KIAA1217: variants seen among roughly 807,000 people sequenced by gnomAD.
The protein encoded by KIAA1217 is KIAA1217.
In KIAA1217, 88 loss-of-function variants were observed where a neutral mutation model predicts 163.9. The ratio of observed to expected loss-of-function variants is 0.54; its 90% CI spans 0.45 to 0.64. The LOEUF (loss-of-function observed/expected upper bound fraction) is 0.64, where lower values mean the gene tolerates loss of function less well. Among genes scored for constraint, KIAA1217 ranks in the 30% least tolerant of loss-of-function variants. The pLI is 0.00. For synonymous variants in KIAA1217, 903 were observed against 923.1 expected, an observed-to-expected ratio of 0.98 and a Z score of 0.39; for missense variants, 2,372 against 2,475.0, an observed-to-expected ratio of 0.96 and a Z score of 0.88.
At chr10:24,370,624 C>T (rs2051498605) in intron 2 of KIAA1217, among the ~76,000 whole-genome samples, 1 of 152,158 alleles carries the variant, frequency 6.6e-6, no homozygotes. Flanking sequence ...GTGACCCAGG[C>T]TGGAGTACAG....
chr10:24,320,792 C>T (rs1171600647), intron 2 of KIAA1217, among the ~76,000 whole-genome samples: 3 of 152,100 alleles, frequency 2.0e-5, no homozygotes, highest in Non-Finnish European at 4.4e-5. Context: ...ACTTGTAATC[C>T]CAGCACTTTG....
At chr10:24,182,681 A>G (rs754936903) in intron 2 of KIAA1217, among the ~76,000 whole-genome samples, 4 of 152,160 alleles carry the variant, frequency 2.6e-5, no homozygotes, top group Non-Finnish European at 4.4e-5. Flanking sequence ...GTAGTATATT[A>G]ATCAGTTTTG....
At chr10:24,375,722 G>A (rs1336094415) in intron 2 of KIAA1217, among the ~76,000 whole-genome samples, 1 of 152,166 alleles carries the variant, frequency 6.6e-6, no homozygotes, top group Non-Finnish European at 1.5e-5. Flanking sequence ...ATTTTCAAAT[G>A]CCCTGTGGCA....
At chr10:24,491,822 C>A (rs1253172712) in intron 6 of KIAA1217, among the ~76,000 whole-genome samples, 2 of 152,120 alleles carry the variant, frequency 1.3e-5, no homozygotes, top group South Asian at 2.1e-4. Flanking sequence ...CTGTCTTCTG[C>A]ATGTACTAAG....
chr10:24,182,335 C>A (rs549620953), intron 2 of KIAA1217, among the ~76,000 whole-genome samples: 19 of 152,002 alleles, frequency 1.2e-4, no homozygotes, highest in African/African-American at 4.3e-4. Flanking sequence ...ACGCGGGAGG[C>A]TAAGGCAGGA....
rs1371468490 is a variant in KIAA1217, at chr10:23,923,253, G to T, written c.-320-83972G>T. Among the ~76,000 whole-genome samples, 4 of 152,106 alleles carry T rather than the reference G, an allele frequency of 2.6e-5. No individual in the cohort carries two copies. In the South Asian group the frequency reaches 8.3e-4, roughly 32 times the overall value. On this transcript the variant is annotated intron_variant, in intron 1 of 18. Transcript: ENST00000376462. Reference sequence around the variant, plus strand: ...ATAACGGTCACCGGTTCCATCCAGGGTATTTAGGCTCGTTCCATATTTTTG... The same window carrying T: ...ATAACGGTCACCGGTTCCATCCAGGTTATTTAGGCTCGTTCCATATTTTTG...
chr10:24,192,449 T>TG (rs1043867915), intron 2 of KIAA1217, among the ~76,000 whole-genome samples: 1 of 152,156 alleles, frequency 6.6e-6, no homozygotes, highest in African/African-American at 2.4e-5. Flanking sequence ...GTATCATATT[T>TG]GGGGGGTAGT....
chr10:24,331,919 C>A (rs2045730691), intron 2 of KIAA1217, among the ~76,000 whole-genome samples: 1 of 152,166 alleles, frequency 6.6e-6, no homozygotes, highest in African/African-American at 2.4e-5. Context: ...CCTGCCTCAG[C>A]CTCCTGAGTA....
intron 2 of KIAA1217, among the ~76,000 whole-genome samples, chr10:24,344,844 A>G (rs220343): frequency 0.83 from 126,806 of 152,176 alleles, 53,003 homozygotes; most frequent in South Asian, 0.91. Flanking sequence ...TGGATCTTGA[A>G]TTAAAACAGA....
chr10:23,927,186 T>C (rs974093048), intron 1 of KIAA1217, among the ~76,000 whole-genome samples: 6 of 152,086 alleles, frequency 3.9e-5, no homozygotes, highest in Non-Finnish European at 8.8e-5. Context: ...GGATCCTATT[T>C]ATAAATTGCT....
intron 2 of KIAA1217, among the ~76,000 whole-genome samples, chr10:24,288,474 C>T (rs936493486): frequency 1.3e-5 from 2 of 152,258 alleles, no homozygotes; most frequent in Admixed American, 1.3e-4. Context: ...AGCGTCCACA[C>T]GCCGGCCAAT....
At chr10:24,169,370 A>C (rs149291567) in intron 2 of KIAA1217, among the ~76,000 whole-genome samples, 1 of 151,606 alleles carries the variant, frequency 6.6e-6, no homozygotes. Context: ...TTTCTTACCC[A>C]CAATCACCCT....
chr10:24,092,904 A>AGT (rs149427130), intron 2 of KIAA1217, among the ~76,000 whole-genome samples: 13,447 of 144,944 alleles, frequency 0.093, 681 homozygotes, highest in African/African-American at 0.11. Context: ...GTGTATGTAT[A>AGT]GTGTGTGTGT....
intron 2 of KIAA1217, among the ~76,000 whole-genome samples, chr10:24,223,558 T>A (rs1338835195): frequency 6.6e-6 from 1 of 152,158 alleles, no homozygotes; most frequent in Non-Finnish European, 1.5e-5. Flanking sequence ...ATACTGAGGC[T>A]CTTAATACCA....
intron 8 of KIAA1217, among the ~76,000 whole-genome samples, chr10:24,500,197 G>GTGTGTGTGTGTGTGTGTGTGTGTGTT (rs2067362882): frequency 6.6e-6 from 1 of 151,378 alleles, no homozygotes; most frequent in Non-Finnish European, 1.5e-5. Context: ...GTGTGTGTGT[G>GTGTGTGTGTGTGTGTGTGTGTGTGTT]TGTGTGTGTG....
Position 24,544,258 on chromosome 10 carries a change from A to C in KIAA1217, c.4988A>C (p.Tyr1663Ser), listed in dbSNP as rs2075440045. 1 of 1,614,068 alleles carries C rather than the reference A, an allele frequency of 6.2e-7. No homozygotes were observed. Among genetic ancestry groups the C allele is most frequent in the Admixed American group, 1.7e-5 (1 of 60,006 alleles). ...ACTGATGAAATTAGAAAAAACACCT[A>C]CAGAACATTGGATAGCCTGGAGCAG... ...SRTDEIRKNT[Y>S]RTLDSLEQTI... Residue 1663 changes from tyrosine to serine, a missense_variant, in exon 19 of 21, where the codon TAC becomes TCC. Coordinates refer to ENST00000376454, the MANE Select transcript of KIAA1217 (RefSeq NM_019590.5).
intron 5 of KIAA1217, among the ~76,000 whole-genome samples, chr10:24,446,813 TGAGGCTTAAGA>T (rs1222212271): frequency 6.6e-6 from 1 of 152,224 alleles, no homozygotes; most frequent in Non-Finnish European, 1.5e-5. Context: ...AAGTGGAAGC[TGAGGCTTAAGA>T]GAGGTCAGTG....
chr10:23,953,164 T>G (rs1844413662), intron 1 of KIAA1217, among the ~76,000 whole-genome samples: 1 of 152,252 alleles, frequency 6.6e-6, no homozygotes, highest in Non-Finnish European at 1.5e-5. Context: ...ACATAACAGT[T>G]AAGAGTTTGG....
intron 2 of KIAA1217, among the ~76,000 whole-genome samples, chr10:24,368,042 C>T (rs2051030763): frequency 6.6e-6 from 1 of 152,226 alleles, no homozygotes; most frequent in Non-Finnish European, 1.5e-5. Context: ...GTAACAAGCT[C>T]AATTTAGAAA....
Sources: allele counts gnomAD v4.1 joint callset (sites outside exome capture counted in the v4.1 genomes callset), GRCh38; gene constraint gnomAD v4.1.1; transcripts MANE v1.5; gene names NCBI Gene and HGNC (gene_info 2026-07-23, HGNC 2026-07-21).